Variants in FAM20C observed in about 807,000 individuals in gnomAD.
The protein encoded by FAM20C is extracellular serine/threonine protein kinase FAM20C.
A neutral mutation model predicts 51.5 loss-of-function variants in FAM20C; 40 were observed. That is an observed-to-expected ratio of 0.78 (90% confidence interval 0.60 to 1.01). FAM20C has a LOEUF of 1.01. Ranked by LOEUF, FAM20C falls within the 50% of genes least tolerant of loss-of-function variation. The pLI is 0.00. For missense variants in FAM20C, 861 were observed against 844.7 expected (o/e 1.02, Z -0.24); for synonymous variants, 406 against 380.6 (o/e 1.07, Z -0.78).
At chr7:251,227 G>A (rs1176065941) in intron 5 of FAM20C, among the ~76,000 whole-genome samples, 5 of 148,398 alleles carry the variant, frequency 3.4e-5, no homozygotes, top group African/African-American at 1.2e-4. Context: ...GGCCGGGCAC[G>A]GCGGCTCACG....
chr7:212,886 A>T (rs1197614955), intron 3 of FAM20C, among the ~76,000 whole-genome samples: 2 of 152,212 alleles, frequency 1.3e-5, no homozygotes, highest in African/African-American at 4.8e-5. Context: ...CTGTGCGTTC[A>T]TCACCGCAGT....
intron 3 of FAM20C, among the ~76,000 whole-genome samples, chr7:242,118 A>G (rs1583325164): frequency 6.6e-6 from 1 of 151,930 alleles, no homozygotes; most frequent in Non-Finnish European, 1.5e-5. Context: ...ATCCCATTGT[A>G]CTTCGCCTGC....
intron 5 of FAM20C, among the ~76,000 whole-genome samples, chr7:251,549 G>T (rs1245629996): frequency 2.6e-5 from 4 of 151,886 alleles, no homozygotes; most frequent in African/African-American, 7.3e-5. Context: ...TTGATTATTA[G>T]TCCAAGCAGG....
intron 3 of FAM20C, among the ~76,000 whole-genome samples, chr7:211,185 C>T (rs1786692620): frequency 6.8e-6 from 1 of 146,598 alleles, no homozygotes; most frequent in Non-Finnish European, 1.5e-5. Flanking sequence ...CTCCCCCAAC[C>T]TCCCTCAGCC....
intron 3 of FAM20C, among the ~76,000 whole-genome samples, chr7:226,359 A>G (rs188322238): frequency 2.0e-5 from 3 of 152,272 alleles, no homozygotes; most frequent in Admixed American, 6.5e-5. Context: ...GTTTGAAAAC[A>G]GATCAACGTT....
At chr7:251,139 G>C (rs1788378972) in intron 5 of FAM20C, among the ~76,000 whole-genome samples, 1 of 99,192 alleles carries the variant, frequency 1.0e-5, no homozygotes, top group South Asian at 3.3e-4. Flanking sequence ...CGTTTCTAAG[G>C]TCTTACTGAG....
At position 195,657 on chromosome 7, in the gene FAM20C, G is replaced by A. The variant is rs200225309; in HGVS notation, c.709G>A (p.Glu237Lys). The change falls in exon 2 of 10, where the codon GAG becomes AAG. Residue 237 changes from glutamate to lysine, a missense_variant. Coordinates refer to ENST00000313766, the MANE Select transcript of FAM20C (RefSeq NM_020223.4). ...LKFHIGINRYELYSRHNPAIE... is the reference protein window; with the variant it reads ...LKFHIGINRYKLYSRHNPAIE... ...GTTCCACATTGGTATCAACCGGTAC[G>A]AGCTGTACTCCAGACACAACCCGGC... 4.1e-5 allele frequency: 66 copies of A among 1,611,154 alleles called. No homozygotes were observed. Among genetic ancestry groups the A allele is most frequent in the Non-Finnish European group, 4.9e-5 (58 of 1,178,836 alleles).
At position 259,824 on chromosome 7, in the gene FAM20C, G is replaced by T; in HGVS notation, c.1599G>T (p.Gln533His). 1 of 1,536,404 alleles carries T rather than the reference G, an allele frequency of 6.5e-7. No homozygotes were observed. Among genetic ancestry groups the T allele is most frequent in the Non-Finnish European group, 8.7e-7 (1 of 1,146,900 alleles). The change falls in exon 10 of 10, where the codon CAG (glutamine) becomes CAT (histidine). Residue 533 changes from glutamine (Q) to histidine (H), a missense_variant. Coordinates refer to ENST00000313766, the MANE Select transcript of FAM20C (RefSeq NM_020223.4). ...TGGCCGAGTCTCTGCGGGGGGACCA[G>T]GTGGCACCCGTGCTGTACCAGCCGC... The part of the protein sequence containing the change: ...LLMAESLRGD[Q>H]VAPVLYQPHL...
At chr7:208,873 C>T (rs751833109) in intron 2 of FAM20C, 25 bp from the exon 3 acceptor site, 81 of 1,555,060 alleles carry the variant, frequency 5.2e-5, no homozygotes, top group Non-Finnish European at 3.5e-6. Flanking sequence ...GAGAGTGACC[C>T]TGTTTCTCTC....
intron 3 of FAM20C, among the ~76,000 whole-genome samples, chr7:233,613 C>T (rs1787765217): frequency 6.6e-6 from 1 of 152,170 alleles, no homozygotes; most frequent in African/African-American, 2.4e-5. Context: ...TGGGGTCCCT[C>T]CTCCATCCTG....
Position 201,232 on chromosome 7 carries a change from G to A in FAM20C, c.784+5500G>A, listed in dbSNP as rs181374060. 7.6e-4 allele frequency among the ~76,000 whole-genome samples: 116 copies of A among 152,282 alleles called. 1 individual carries two copies. The highest frequency in any genetic ancestry group is 3.1e-3 in the East Asian group (16 of 5,176). Reference sequence around the variant, plus strand: ...TGAAGAGCAGGGGGACCGCCTGACCGTGACCCCCAAGGACAGACGCTGGCC... The same window carrying A: ...TGAAGAGCAGGGGGACCGCCTGACCATGACCCCCAAGGACAGACGCTGGCC... On this transcript the variant is annotated intron_variant, in intron 2 of 9. Transcript: ENST00000313766.
In FAM20C at chr7:256,736, G is replaced by A; in HGVS notation, c.1336G>A (p.Asp446Asn). 2 of 1,536,160 alleles carry A rather than the reference G, an allele frequency of 1.3e-6. No individual in the cohort carries two copies. The highest frequency in any genetic ancestry group is 1.7e-6 in the Non-Finnish European group (2 of 1,146,788). ...CAGCCACCGCATCCTGGACGTCATGGACATGACGATCTTCGACTTCCTCAT... is the reference window on the plus strand; with the variant it reads ...CAGCCACCGCATCCTGGACGTCATGAACATGACGATCTTCGACTTCCTCAT... ...DSSHRILDVM[D>N]MTIFDFLMGN... The change falls in exon 7 of 10, where the codon GAC becomes AAC. Residue 446 changes from aspartate (D) to asparagine (N), a missense_variant. Transcript: ENST00000313766.
chr7:216,509 G>C (rs1314760747), intron 3 of FAM20C, among the ~76,000 whole-genome samples: 1 of 151,870 alleles, frequency 6.6e-6, no homozygotes, highest in African/African-American at 2.4e-5. Context: ...ATCTCACTGA[G>C]GAAAGGCCAG....
intron 2 of FAM20C, among the ~76,000 whole-genome samples, chr7:202,270 G>A (rs1786165614): frequency 1.3e-5 from 2 of 151,378 alleles, no homozygotes; most frequent in Non-Finnish European, 2.9e-5. Flanking sequence ...GAGAGGACAG[G>A]TGGCTGCTGG....
chr7:232,648 C>T (rs1016678675), intron 3 of FAM20C, among the ~76,000 whole-genome samples: 1 of 152,200 alleles, frequency 6.6e-6, no homozygotes, highest in Non-Finnish European at 1.5e-5. Context: ...AACTGAAGAG[C>T]GTTGAAATGT....
chr7:212,653 G>A (rs1444863121), intron 3 of FAM20C, among the ~76,000 whole-genome samples: 2 of 152,196 alleles, frequency 1.3e-5, no homozygotes, highest in East Asian at 3.9e-4. Flanking sequence ...CACAGCGTGT[G>A]GGGGGCGGGA....
Position 259,940 on chromosome 7 carries a change from A to G in FAM20C, c.1715A>G (p.Asp572Gly). The G allele has an allele frequency of 1.3e-6, 2 of 1,529,816 alleles. No individual in the cohort carries two copies. Among genetic ancestry groups the G allele is most frequent in the Non-Finnish European group, 1.8e-6 (2 of 1,141,724 alleles). 94.8% of individuals were successfully genotyped at this position (1,529,816 alleles called of 1,614,324 possible). ...AACGGGCTCCACAGCGTGGTGGATG[A>G]CGACCTGGACACTGAGCACAGAGCC... is the stretch of plus-strand genomic sequence containing the variant. ...ERNGLHSVVD[D>G]DLDTEHRAAS... The change falls in exon 10 of 10, where the codon GAC (aspartate) becomes GGC (glycine). Residue 572 changes from aspartate to glycine, a missense_variant. Transcript: ENST00000313766.
intron 2 of FAM20C, among the ~76,000 whole-genome samples, chr7:198,903 C>T (rs4074119): frequency 0.66 from 100,524 of 152,046 alleles, 33,446 homozygotes; most frequent in East Asian, 0.74. Flanking sequence ...AGTCTAGATG[C>T]TGGGCCCTAT....
intron 2 of FAM20C, among the ~76,000 whole-genome samples, chr7:205,993 C>T (rs182352091): frequency 2.6e-5 from 4 of 152,240 alleles, no homozygotes; most frequent in Non-Finnish European, 4.4e-5. Context: ...GCTCCCCCAT[C>T]CCGCCATCTC....
Sources: gnomAD v4.1 joint callset for allele counts (sites outside exome capture counted in the v4.1 genomes callset) on GRCh38, gnomAD v4.1.1 for gene constraint, MANE v1.5 for transcripts, NCBI Gene and HGNC (gene_info 2026-07-23, HGNC 2026-07-21) for gene names.